The following SLC22A25 variants were observed in gnomAD, a reference collection of about 807,000 sequenced individuals.
SLC22A25 encodes MGI:2442751, MGI:2385316, MGI:3042283, MGI:3645714, MGI:3605624, MGI:2442750.
Under a neutral mutation model 45.9 loss-of-function variants are expected in SLC22A25, and 44 were observed. The ratio of observed to expected loss-of-function variants is 0.96; its 90% confidence interval spans 0.75 to 1.23. SLC22A25 has a LOEUF of 1.23. Ranked by LOEUF, SLC22A25 falls within the 50% of genes most tolerant of loss-of-function variation. SLC22A25 has a pLI of 0.00. For missense variants in SLC22A25, 800 were observed against 666.4 expected (o/e 1.20, Z -2.21); for synonymous variants, 283 against 238.6 (o/e 1.19, Z -1.72).
In SLC22A25 at chr11:63,228,518, A is replaced by G; in HGVS notation, c.449T>C (p.Phe150Ser). The change falls in exon 5 of 12, where the codon TTT (phenylalanine) becomes TCT (serine). Residue 150 changes from phenylalanine (F) to serine (S), a missense_variant. Transcript: ENST00000306494. Reference sequence around the variant, plus strand: ...CACCATCATTCCAGCCATGAATAGAAATTTAGCTACTGAATTCAGTGGTTG... The same window carrying G: ...CACCATCATTCCAGCCATGAATAGAGATTTAGCTACTGAATTCAGTGGTTG... ...ESQPLNSVAK[F>S]LFMAGMMVGG... is the part of the protein sequence containing the mutation. 6.2e-7 allele frequency: 1 copy of G among 1,613,868 alleles called. No homozygotes were observed. The highest frequency in any genetic ancestry group is 8.5e-7 in the Non-Finnish European group (1 of 1,179,890).
Position 63,162,805 on chromosome 11 carries a change from CTTG to C in SLC22A25, c.*1016_*1018del, listed in dbSNP as rs963494305. Among the ~76,000 whole-genome samples the C allele has an allele frequency of 1.1e-4, 16 of 152,004 alleles. No homozygotes were observed. Among genetic ancestry groups the C allele is most frequent in the Non-Finnish European group, 2.2e-4 (15 of 67,978 alleles). On this transcript the variant is annotated 3_prime_UTR_variant, in exon 12 of 12. Transcript: ENST00000306494. ...AATGGAATGTATTTATCCATTATAT[CTTG>C]TTATTTATTTATTTTCTAAATTTTA...
At chr11:63,215,954 T>C (rs2089698696) in intron 7 of SLC22A25, among the ~76,000 whole-genome samples, 1 of 152,188 alleles carries the variant, frequency 6.6e-6, no homozygotes, top group Non-Finnish European at 1.5e-5. Flanking sequence ...ACTCTCATTC[T>C]TTTTTATGGT....
In SLC22A25 at chr11:63,185,878, AT is replaced by A. The variant is rs1047271160; in HGVS notation, c.831-2062del. Among the ~76,000 whole-genome samples, 39 of 144,352 alleles carry A rather than the reference AT, an allele frequency of 2.7e-4. No homozygotes were observed. In the South Asian group the frequency reaches 8.3e-3, roughly 31 times the overall value. 94.7% of individuals were successfully genotyped at this position (144,352 alleles called of 152,430 possible). A position where few individuals can be genotyped will look rare whatever the true frequency, so the allele number is the denominator to read the frequency against. On this transcript the variant is annotated intron_variant, in intron 7 of 11. Coordinates refer to ENST00000306494, the MANE Select transcript of SLC22A25 (RefSeq NM_199352.6). ...TCCCTACAAAGGACGTGAACTCATCATTTTTTATGGCTGCATAGTATTCCAT... is the reference window on the plus strand; with the variant it reads ...TCCCTACAAAGGACGTGAACTCATCATTTTTATGGCTGCATAGTATTCCAT...
intron 7 of SLC22A25, among the ~76,000 whole-genome samples, chr11:63,212,145 G>A (rs919758037): frequency 2.1e-4 from 32 of 151,916 alleles, no homozygotes; most frequent in East Asian, 1.9e-4. Context: ...TTAGAATGGC[G>A]ATCATTAAAA....
chr11:63,192,933 G>T lies in SLC22A25; in HGVS notation c.831-9116C>A, dbSNP rs185925328. On this transcript the variant is annotated intron_variant, in intron 7 of 11. Transcript: ENST00000306494. ...CAATATTAGACAGATCATCAAGACAGAAAATTAACAAAGATATTCAGGAGC... is the reference window on the plus strand; with the variant it reads ...CAATATTAGACAGATCATCAAGACATAAAATTAACAAAGATATTCAGGAGC... 8.5e-5 allele frequency among the ~76,000 whole-genome samples: 13 copies of T among 152,284 alleles called. No individual in the cohort carries two copies. In the East Asian group the frequency reaches 1.7e-3, roughly 20 times the overall value.
At chr11:63,197,266 A>G (rs1297068606) in intron 7 of SLC22A25, among the ~76,000 whole-genome samples, 2 of 152,184 alleles carry the variant, frequency 1.3e-5, no homozygotes, top group Non-Finnish European at 2.9e-5. Flanking sequence ...TTTAAAGCTC[A>G]TATGGAACCA....
chr11:63,218,255 C>A, intron 5 of SLC22A25: 1 of 347,756 alleles, frequency 2.9e-6, no homozygotes, highest in Non-Finnish European at 5.6e-6. Flanking sequence ...AACAGAAAAC[C>A]AAACATTACA....
intron 7 of SLC22A25, among the ~76,000 whole-genome samples, chr11:63,185,722 T>A (rs2088512636): frequency 8.8e-6 from 1 of 113,482 alleles, no homozygotes; most frequent in Non-Finnish European, 1.7e-5. Context: ...GTCCCCATAG[T>A]GTGATATTCC....
At chr11:63,197,136 C>T (rs191644430) in intron 7 of SLC22A25, among the ~76,000 whole-genome samples, 1 of 152,304 alleles carries the variant, frequency 6.6e-6, no homozygotes, top group East Asian at 1.9e-4. Context: ...CCATTCCATG[C>T]TTCTGGATAG....
chr11:63,219,166 G>A (rs1043423615), intron 5 of SLC22A25, among the ~76,000 whole-genome samples: 1 of 152,100 alleles, frequency 6.6e-6, no homozygotes, highest in Non-Finnish European at 1.5e-5. Context: ...AAATTTAATG[G>A]AAAAATGCAT....
rs949742808 is a variant in SLC22A25, at chr11:63,164,133, T to C, written c.1395-60A>G. The C allele has an allele frequency of 6.6e-6, 10 of 1,520,166 alleles. No individual in the cohort carries two copies. The South Asian group carries it at 1.1e-4, about 16-fold the overall frequency. 94.2% of individuals were successfully genotyped at this position (1,520,166 alleles called of 1,614,324 possible). ...TAAAAATCATACATATAATTTGTGATTTATCATTTTGCTGTGATTATGGAT... is the reference window on the plus strand; with the variant it reads ...TAAAAATCATACATATAATTTGTGACTTATCATTTTGCTGTGATTATGGAT... On this transcript the variant is annotated intron_variant, in intron 11 of 11. Coordinates refer to ENST00000306494, the MANE Select transcript of SLC22A25 (RefSeq NM_199352.6).
chr11:63,227,271 T>G (rs1273191314), intron 5 of SLC22A25, among the ~76,000 whole-genome samples: 1 of 152,062 alleles, frequency 6.6e-6, no homozygotes, highest in Admixed American at 6.6e-5. Flanking sequence ...AGTCAGCATA[T>G]CTCGGAGTCT....
At chr11:63,182,186 A>G (rs1215938567) in intron 8 of SLC22A25, among the ~76,000 whole-genome samples, 1 of 152,140 alleles carries the variant, frequency 6.6e-6, no homozygotes, top group African/African-American at 2.4e-5. Flanking sequence ...CATAGAATCC[A>G]CATCCTAAAC....
At chr11:63,174,753 C>T (rs61928110) in intron 9 of SLC22A25, among the ~76,000 whole-genome samples, 30,814 of 152,006 alleles carry the variant, frequency 0.2, 3,933 homozygotes, top group East Asian at 0.41. Flanking sequence ...CAGCATCTTG[C>T]GTAACTGACA....
intron 7 of SLC22A25, among the ~76,000 whole-genome samples, chr11:63,205,191 T>C (rs2089363908): frequency 6.6e-6 from 1 of 152,154 alleles, no homozygotes; most frequent in African/African-American, 2.4e-5. Context: ...TAGCACTAAA[T>C]GCCCACAGAG....
At chr11:63,224,306 A>G (rs1353905934) in intron 5 of SLC22A25, among the ~76,000 whole-genome samples, 1 of 151,638 alleles carries the variant, frequency 6.6e-6, no homozygotes, top group African/African-American at 2.4e-5. Flanking sequence ...CCATCCCTTT[A>G]TTTTCAGTCT....
intron 7 of SLC22A25, among the ~76,000 whole-genome samples, chr11:63,212,958 G>A (rs528769466): frequency 5.3e-4 from 81 of 152,302 alleles, no homozygotes; most frequent in African/African-American, 1.9e-3. Context: ...GGAATAGAGA[G>A]GCTTCTTCAC....
chr11:63,185,216 C>T (rs565135395), intron 7 of SLC22A25, among the ~76,000 whole-genome samples: 1 of 151,926 alleles, frequency 6.6e-6, no homozygotes, highest in South Asian at 2.1e-4. Context: ...ATACATGTGC[C>T]ATGTTGGTGT....
intron 5 of SLC22A25, chr11:63,218,167 C>CA: frequency 4.8e-6 from 2 of 420,022 alleles, no homozygotes; most frequent in East Asian, 7.4e-5. Flanking sequence ...TATGTAGCCA[C>CA]AAAAAAGAAT....
Sources: allele counts gnomAD v4.1 joint callset (sites outside exome capture counted in the v4.1 genomes callset), GRCh38; gene constraint gnomAD v4.1.1; transcripts MANE v1.5; gene names NCBI Gene and HGNC (gene_info 2026-07-23, HGNC 2026-07-21).